Variants in CADM2 observed in about 807,000 individuals in gnomAD.
The protein encoded by CADM2 is cell adhesion molecule 2.
In CADM2, 12 loss-of-function variants were observed where a neutral mutation model predicts 49.8. That is an observed-to-expected ratio of 0.24 (90% CI 0.15 to 0.39). The LOEUF is 0.39. Among genes scored for constraint, CADM2 ranks in the 10% least tolerant of loss-of-function variants. CADM2 has a pLI of 1.00. For synonymous variants in CADM2, 214 were observed against 175.4 expected (o/e 1.22, Z -1.74); for missense variants, 378 against 492.3 (o/e 0.77, Z 2.20).
chr3:85,186,780 T>C (rs2041076512), intron 1 of CADM2, among the ~76,000 whole-genome samples: 1 of 152,090 alleles, frequency 6.6e-6, no homozygotes, highest in South Asian at 2.1e-4. Context: ...ATCTTACCAA[T>C]GCTAACTAAT....
intron 1 of CADM2, among the ~76,000 whole-genome samples, chr3:85,215,531 G>GTA (rs2041903959): frequency 6.6e-6 from 1 of 151,980 alleles, no homozygotes; most frequent in Non-Finnish European, 1.5e-5. Context: ...TGTGATCTGT[G>GTA]TTTTCTGGGG....
At chr3:85,417,396 C>T (rs980997589) in intron 1 of CADM2, among the ~76,000 whole-genome samples, 4 of 152,104 alleles carry the variant, frequency 2.6e-5, no homozygotes, top group Non-Finnish European at 4.4e-5. Flanking sequence ...AAACACGAAT[C>T]GAGGCCCAAC....
chr3:85,444,316 CA>C (rs2037345702), intron 1 of CADM2, among the ~76,000 whole-genome samples: 1 of 152,038 alleles, frequency 6.6e-6, no homozygotes, highest in Non-Finnish European at 1.5e-5. Flanking sequence ...TTCTCAAAGG[CA>C]TTCCACTTCT....
At chr3:85,320,706 C>T (rs948383145) in intron 1 of CADM2, among the ~76,000 whole-genome samples, 3 of 152,080 alleles carry the variant, frequency 2.0e-5, no homozygotes, top group African/African-American at 4.8e-5. Context: ...TGTCAGCAAT[C>T]CCTTAGTAAT....
chr3:85,352,524 C>T (rs997394527), intron 1 of CADM2, among the ~76,000 whole-genome samples: 7 of 152,038 alleles, frequency 4.6e-5, no homozygotes, highest in Admixed American at 3.9e-4. Context: ...TGTACCTTCA[C>T]GGCTTCATTT....
chr3:85,906,776 A>G (rs1228536257), intron 5 of CADM2, among the ~76,000 whole-genome samples: 1 of 152,250 alleles, frequency 6.6e-6, no homozygotes, highest in Admixed American at 6.5e-5. Flanking sequence ...TGTTTGGTCT[A>G]GAGACAGTTT....
chr3:85,337,137 G>T (rs1280088211), intron 1 of CADM2, among the ~76,000 whole-genome samples: 2 of 148,222 alleles, frequency 1.3e-5, no homozygotes, highest in African/African-American at 5.0e-5. Context: ...ACCTTATGCT[G>T]GCCAATAATA....
At chr3:85,174,726 A>C (rs1410506740) in intron 1 of CADM2, among the ~76,000 whole-genome samples, 1 of 152,126 alleles carries the variant, frequency 6.6e-6, no homozygotes, top group Non-Finnish European at 1.5e-5. Flanking sequence ...CATTGGCATA[A>C]GAGTTGGAGA....
chr3:85,335,560 T>A (rs1038557060), intron 1 of CADM2, among the ~76,000 whole-genome samples: 1 of 151,520 alleles, frequency 6.6e-6, no homozygotes, highest in Non-Finnish European at 1.5e-5. Context: ...TTATCACTTT[T>A]TTTTTTGTTG....
intron 2 of CADM2, among the ~76,000 whole-genome samples, chr3:85,735,836 G>A (rs981456312): frequency 3.3e-5 from 5 of 151,592 alleles, no homozygotes; most frequent in Admixed American, 6.6e-5. Context: ...ACAAAATAAC[G>A]ACAGCTCAGT....
intron 1 of CADM2, among the ~76,000 whole-genome samples, chr3:85,526,179 T>C (rs1207135429): frequency 1.3e-5 from 2 of 152,242 alleles, no homozygotes; most frequent in Admixed American, 1.3e-4. Flanking sequence ...CCATTTGTCT[T>C]TGATCTTTCA....
At chr3:85,250,619 T>C (rs1029122375) in intron 1 of CADM2, among the ~76,000 whole-genome samples, 1 of 151,630 alleles carries the variant, frequency 6.6e-6, no homozygotes, top group African/African-American at 2.4e-5. Context: ...ATAAATTAAT[T>C]GATACATATA....
chr3:85,912,508 C>A lies in CADM2; in HGVS notation c.665C>A (p.Thr222Asn). The change falls in exon 6 of 10, where the codon ACC becomes AAC. Residue 222 changes from threonine (T) to asparagine (N), a missense_variant. Physicochemically the swap from Thr to Asn is moderately conservative, Grantham distance 65. Coordinates refer to ENST00000383699, the MANE Select transcript of CADM2 (RefSeq NM_001167675.2). The part of the protein sequence containing the change: ...CRVDHESLNA[T>N]PQVAMQVLEI... Reference sequence around the variant, plus strand: ...GTAGATCACGAATCCCTCAATGCCACCCCTCAGGTAGCCATGCAGGTGCTA... The same window carrying A: ...GTAGATCACGAATCCCTCAATGCCAACCCTCAGGTAGCCATGCAGGTGCTA... 2 of 1,613,816 alleles carry A rather than the reference C, an allele frequency of 1.2e-6. No homozygotes were observed. The highest frequency in any genetic ancestry group is 1.7e-6 in the Non-Finnish European group (2 of 1,179,820).
At chr3:85,279,438 G>T (rs2043445942) in intron 1 of CADM2, among the ~76,000 whole-genome samples, 1 of 150,852 alleles carries the variant, frequency 6.6e-6, no homozygotes, top group African/African-American at 2.4e-5. Context: ...AGATTCAGTG[G>T]GTCTATATTC....
chr3:85,744,573 AAGG>A (rs2068533278), intron 2 of CADM2, among the ~76,000 whole-genome samples: 2 of 152,176 alleles, frequency 1.3e-5, no homozygotes, highest in African/African-American at 4.8e-5. Context: ...TACTCGGGGT[AAGG>A]TCTTAATGAG....
At chr3:85,191,347 A>G (rs2041202206) in intron 1 of CADM2, among the ~76,000 whole-genome samples, 1 of 152,104 alleles carries the variant, frequency 6.6e-6, no homozygotes, top group Non-Finnish European at 1.5e-5. Flanking sequence ...TAATAATCAT[A>G]TGATATAGTA....
At chr3:85,351,092 A>G (rs1213133663) in intron 1 of CADM2, among the ~76,000 whole-genome samples, 1 of 152,170 alleles carries the variant, frequency 6.6e-6, no homozygotes, top group African/African-American at 2.4e-5. Context: ...ATCGTCTGGA[A>G]GGGCATATGA....
chr3:85,723,368 CTT>C (rs1450943898), intron 1 of CADM2, among the ~76,000 whole-genome samples: 1 of 152,040 alleles, frequency 6.6e-6, no homozygotes, highest in Non-Finnish European at 1.5e-5. Flanking sequence ...TTTTCGGTCA[CTT>C]GGGGTGGTGT....
At chr3:85,674,393 GT>G (rs2065833255) in intron 1 of CADM2, among the ~76,000 whole-genome samples, 1 of 152,016 alleles carries the variant, frequency 6.6e-6, no homozygotes, top group Non-Finnish European at 1.5e-5. Context: ...GATTTATTTG[GT>G]TTTAAATTTG....
Sources: gnomAD v4.1 joint callset for allele counts (sites outside exome capture counted in the v4.1 genomes callset) on GRCh38, gnomAD v4.1.1 for gene constraint, MANE v1.5 for transcripts, NCBI Gene and HGNC (gene_info 2026-07-23, HGNC 2026-07-21) for gene names.